The following CADPS variants were observed in gnomAD, a reference collection of about 807,000 sequenced individuals.
CADPS encodes the protein calcium dependent secretion activator.
CADPS carries 57 observed loss-of-function variants against 167.3 expected under a neutral mutation model. That is an observed-to-expected ratio of 0.34 (90% CI 0.28 to 0.42). The LOEUF (loss-of-function observed/expected upper bound fraction) is 0.42, where lower values mean the gene tolerates loss of function less well. CADPS is among the 20% of genes least tolerant of loss of function. CADPS has a pLI of 1.00. For missense variants in CADPS, 1,414 were observed against 1,738.1 expected (o/e 0.81, Z 3.32); for synonymous variants, 676 against 635.3 (o/e 1.06, Z -0.96).
chr3:62,599,525 T>C (rs1028441439), intron 6 of CADPS, among the ~76,000 whole-genome samples: 5 of 105,108 alleles, frequency 4.8e-5, no homozygotes, highest in Admixed American at 3.0e-4. Context: ...ATATATTACA[T>C]ATATATTATA....
rs1441057574 is a variant in CADPS at position 62,455,679 on chromosome 3, C to A, written c.3636+9688G>T. Among the ~76,000 whole-genome samples the A allele has an allele frequency of 2.6e-5, 4 of 152,154 alleles. No homozygotes were observed. Among genetic ancestry groups the A allele is most frequent in the African/African-American group, 9.7e-5 (4 of 41,446 alleles). On this transcript the variant is annotated intron_variant, in intron 26 of 29. Transcript: ENST00000383710. The surrounding 1 kb of genome is among the most constrained non-coding windows in gnomAD (Gnocchi z 4.4). Reference sequence around the variant, plus strand: ...AGTGGGGGCCCCTGCCCCCTTCTGGCATTTTTGTGTTTTGTTTGCCTTTTG... The same window carrying A: ...AGTGGGGGCCCCTGCCCCCTTCTGGAATTTTTGTGTTTTGTTTGCCTTTTG...
chr3:62,428,766 A>T (rs1406541471), intron 28 of CADPS, among the ~76,000 whole-genome samples: 1 of 152,106 alleles, frequency 6.6e-6, no homozygotes, highest in Non-Finnish European at 1.5e-5. Flanking sequence ...CGTGCAGATC[A>T]GTGGTTCTCA....
At chr3:62,700,413 T>A (rs1346074760) in intron 3 of CADPS, among the ~76,000 whole-genome samples, 1 of 152,144 alleles carries the variant, frequency 6.6e-6, no homozygotes, top group Non-Finnish European at 1.5e-5. Flanking sequence ...AGTTAGATAA[T>A]GCAGGTCGGA....
At chr3:62,513,499 TCA>T (rs2068313925) in intron 16 of CADPS, 1 of 603,656 alleles carries the variant, frequency 1.7e-6, no homozygotes, top group Admixed American at 2.9e-5. Context: ...ACACTGGGTT[TCA>T]CAGACAGAAC....
At chr3:62,428,296 C>CTTTTTTTT (rs34002756) in intron 28 of CADPS, among the ~76,000 whole-genome samples, 5 of 64,640 alleles carry the variant, frequency 7.7e-5, no homozygotes, top group Admixed American at 4.0e-4. Flanking sequence ...GGAAGCAAGA[C>CTTTTTTTT]TTTTTTTTTT....
chr3:62,647,390 T>G (rs1012326644), intron 5 of CADPS, among the ~76,000 whole-genome samples: 2 of 152,196 alleles, frequency 1.3e-5, no homozygotes, highest in Admixed American at 6.5e-5. Flanking sequence ...CTCTATGATC[T>G]CCAGAGTTTC....
intron 1 of CADPS, among the ~76,000 whole-genome samples, chr3:62,825,691 T>G (rs2073915008): frequency 2.0e-5 from 3 of 152,168 alleles, no homozygotes; most frequent in Non-Finnish European, 4.4e-5. Flanking sequence ...CTTAAGCCCT[T>G]TTCCATGCAA....
At chr3:62,758,197 T>C (rs994274050) in intron 2 of CADPS, among the ~76,000 whole-genome samples, 8 of 152,230 alleles carry the variant, frequency 5.3e-5, no homozygotes, top group African/African-American at 1.4e-4. Flanking sequence ...CTCTCCTTCA[T>C]GGTAAACAAT....
intron 3 of CADPS, among the ~76,000 whole-genome samples, chr3:62,694,527 C>A (rs1476667026): frequency 6.6e-6 from 1 of 152,022 alleles, no homozygotes; most frequent in Non-Finnish European, 1.5e-5. Flanking sequence ...ACATTAGACC[C>A]CTTCCATCAT....
intron 9 of CADPS, among the ~76,000 whole-genome samples, chr3:62,566,102 G>A (rs1027648980): frequency 2.6e-5 from 4 of 152,176 alleles, no homozygotes; most frequent in African/African-American, 9.7e-5. Flanking sequence ...CATCTGAATT[G>A]AAAGACACAA....
intron 8 of CADPS, 44 bp from the exon 9 acceptor site, chr3:62,570,982 G>C: frequency 8.1e-7 from 1 of 1,237,190 alleles, no homozygotes; most frequent in Non-Finnish European, 1.2e-6. Context: ...ATGCTTGAGT[G>C]AGTGAATTGT....
chr3:62,797,185 G>A (rs891809708), intron 1 of CADPS, among the ~76,000 whole-genome samples: 8 of 152,030 alleles, frequency 5.3e-5, no homozygotes, highest in Admixed American at 2.0e-4. Flanking sequence ...TTTTCCTCAG[G>A]GAGTGTCCAT....
chr3:62,619,048 C>G (rs2062767714), intron 6 of CADPS, among the ~76,000 whole-genome samples: 1 of 152,236 alleles, frequency 6.6e-6, no homozygotes, highest in Non-Finnish European at 1.5e-5. Context: ...TAAATAAAGT[C>G]TAATTGGAGC....
In CADPS at chr3:62,441,095, C is replaced by A. The variant is rs140963229; in HGVS notation, c.3670-2884G>T. The A allele has an allele frequency of 2.0e-5, 3 of 152,304 alleles. No individual in the cohort carries two copies. The East Asian group carries it at 5.8e-4, about 29-fold the overall frequency. The allele number at this position is 152,304 out of a possible 1,614,324, so 9.4% of individuals were successfully genotyped here. On this transcript the variant is annotated intron_variant, in intron 27 of 29. Transcript: ENST00000383710. ...CAAACAAGCTAACCCTTAGTTATAG[C>A]TGGAAAATATACTTGACCAGACAGC...
At chr3:62,854,646 C>G (rs73844652) in intron 1 of CADPS, among the ~76,000 whole-genome samples, 3,490 of 152,248 alleles carry the variant, frequency 0.023, 55 homozygotes, top group East Asian at 0.068. Flanking sequence ...TGCATGTTAT[C>G]TTCTGGTTGG....
At chr3:62,404,793 T>G (rs1707800155) in intron 28 of CADPS, 1 of 151,140 alleles carries the variant, frequency 6.6e-6, no homozygotes, top group Non-Finnish European at 1.5e-5. Context: ...TTTTTTTTTT[T>G]TTTTTTGGAG....
chr3:62,404,905 T>A (rs1283126352), intron 28 of CADPS: 3 of 150,474 alleles, frequency 2.0e-5, no homozygotes, highest in Non-Finnish European at 4.4e-5. Flanking sequence ...TTACTGAAAA[T>A]TTTTTTTGTT....
At chr3:62,696,305 CTTTTACA>C (rs1347677985) in intron 3 of CADPS, among the ~76,000 whole-genome samples, 1 of 152,142 alleles carries the variant, frequency 6.6e-6, no homozygotes, top group Non-Finnish European at 1.5e-5. Context: ...CTGGTTTCTT[CTTTTACA>C]TTCCTGCAAA....
intron 2 of CADPS, among the ~76,000 whole-genome samples, chr3:62,757,292 A>C (rs993537824): frequency 2.0e-5 from 3 of 152,114 alleles, no homozygotes; most frequent in African/African-American, 7.2e-5. Context: ...TTTTTTCCTA[A>C]AGCCCTTCCA....
Sources: gnomAD v4.1 joint callset for allele counts (sites outside exome capture counted in the v4.1 genomes callset) on GRCh38, gnomAD v4.1.1 for gene constraint, Gnocchi (gnomAD v3.1) non-coding constraint, MANE v1.5 for transcripts, NCBI Gene and HGNC (gene_info 2026-07-23, HGNC 2026-07-21) for gene names.